The following ENOX1 variants were observed in gnomAD, a reference collection of about 807,000 sequenced individuals.
ENOX1 encodes ecto-NOX disulfide-thiol exchanger 1.
A neutral mutation model predicts 82.5 loss-of-function variants in ENOX1; 42 were observed. That is an observed-to-expected ratio of 0.51 (90% CI 0.40 to 0.66). The LOEUF (loss-of-function observed/expected upper bound fraction) is 0.66. Ranked by LOEUF, ENOX1 falls within the 30% of genes least tolerant of loss-of-function variation. The pLI is 0.00. For missense variants in ENOX1, 608 were observed against 811.6 expected (o/e 0.75, Z 3.05); for synonymous variants, 271 against 282.2 (o/e 0.96, Z 0.40).
intron 3 of ENOX1, among the ~76,000 whole-genome samples, chr13:43,447,173 T>C (rs2056694795): frequency 6.6e-6 from 1 of 152,210 alleles, no homozygotes; most frequent in Admixed American, 6.5e-5. Flanking sequence ...GTTGAGGATA[T>C]GACTGTCTAT....
intron 14 of ENOX1, among the ~76,000 whole-genome samples, chr13:43,242,062 GT>G: frequency 6.6e-6 from 1 of 152,188 alleles, no homozygotes; most frequent in East Asian, 1.9e-4. Context: ...TTGAATACAT[GT>G]TGTCCACCTG....
chr13:43,782,424 C>T (rs1003890360), intron 1 of ENOX1, among the ~76,000 whole-genome samples: 1 of 152,126 alleles, frequency 6.6e-6, no homozygotes, highest in Non-Finnish European at 1.5e-5. Context: ...GTGAAGTTCA[C>T]TTGAAATATG....
intron 9 of ENOX1, among the ~76,000 whole-genome samples, chr13:43,340,474 T>A (rs1474137185): frequency 6.6e-6 from 1 of 152,158 alleles, no homozygotes; most frequent in African/African-American, 2.4e-5. Flanking sequence ...CAGAATCAAA[T>A]TACAGGGCTA....
At chr13:43,454,841 ATTTT>A (rs3044064) in intron 3 of ENOX1, among the ~76,000 whole-genome samples, 2,359 of 143,050 alleles carry the variant, frequency 0.016, 46 homozygotes, top group African/African-American at 0.053. Flanking sequence ...TATTGAAACC[ATTTT>A]TTTTTTTTTT....
At chr13:43,398,503 AC>A (rs1160784910) in intron 5 of ENOX1, among the ~76,000 whole-genome samples, 2 of 152,134 alleles carry the variant, frequency 1.3e-5, no homozygotes, top group Non-Finnish European at 1.5e-5. Context: ...GAAACAGATG[AC>A]CTGCAGCAAA....
At chr13:43,297,866 C>T (rs765095341) in intron 12 of ENOX1, among the ~76,000 whole-genome samples, 21 of 152,188 alleles carry the variant, frequency 1.4e-4, no homozygotes, top group South Asian at 4.1e-4. Flanking sequence ...TTCTTAAACA[C>T]GTAATGTGCT....
intron 9 of ENOX1, among the ~76,000 whole-genome samples, chr13:43,326,928 C>G (rs1225010282): frequency 6.6e-6 from 1 of 152,200 alleles, no homozygotes; most frequent in Non-Finnish European, 1.5e-5. Flanking sequence ...GGAGAAGTGG[C>G]TGAACGAGGA....
chr13:43,584,409 C>T (rs769870719), intron 2 of ENOX1, among the ~76,000 whole-genome samples: 2 of 152,138 alleles, frequency 1.3e-5, no homozygotes, highest in African/African-American at 2.4e-5. Context: ...GTCATAATGT[C>T]GAGTTTCAAA....
intron 3 of ENOX1, among the ~76,000 whole-genome samples, chr13:43,422,195 T>C (rs1210792866): frequency 6.6e-6 from 1 of 152,196 alleles, no homozygotes; most frequent in African/African-American, 2.4e-5. Context: ...CTCTAAGCTT[T>C]AAGATTCCAC....
At chr13:43,337,060 A>T (rs1201753981) in intron 9 of ENOX1, among the ~76,000 whole-genome samples, 2 of 152,214 alleles carry the variant, frequency 1.3e-5, no homozygotes, top group Admixed American at 1.3e-4. Context: ...AAAATTCTCA[A>T]CTAAAGTATA....
chr13:43,303,012 G>A (rs992024223), intron 11 of ENOX1, among the ~76,000 whole-genome samples: 4 of 152,196 alleles, frequency 2.6e-5, no homozygotes, highest in African/African-American at 7.2e-5. Context: ...AGAACTCTTA[G>A]TCTTTGTGTG....
chr13:43,595,760 G>T (rs2153728536), intron 2 of ENOX1, among the ~76,000 whole-genome samples: 1 of 152,242 alleles, frequency 6.6e-6, no homozygotes, highest in South Asian at 2.1e-4. Flanking sequence ...CTTACTAAAA[G>T]AGCTAAAATA....
intron 3 of ENOX1, among the ~76,000 whole-genome samples, chr13:43,423,697 T>C (rs973270778): frequency 3.3e-5 from 5 of 152,180 alleles, no homozygotes; most frequent in South Asian, 2.1e-4. Flanking sequence ...TGCAGTGATA[T>C]GTGGTCTTGG....
intron 12 of ENOX1, among the ~76,000 whole-genome samples, chr13:43,283,298 T>C (rs1389067167): frequency 6.6e-6 from 1 of 152,118 alleles, no homozygotes; most frequent in African/African-American, 2.4e-5. Flanking sequence ...TTGTTCTCTT[T>C]TTTTCTTGAT....
intron 1 of ENOX1, among the ~76,000 whole-genome samples, chr13:43,681,487 G>A (rs2153797838): frequency 6.6e-6 from 1 of 152,190 alleles, no homozygotes; most frequent in East Asian, 1.9e-4. Context: ...CTCTTGGGAA[G>A]AAAATCTTGA....
intron 2 of ENOX1, among the ~76,000 whole-genome samples, chr13:43,502,621 T>C (rs954447497): frequency 6.6e-6 from 1 of 151,550 alleles, no homozygotes; most frequent in Non-Finnish European, 1.5e-5. Context: ...ATGATAATAT[T>C]AATAGATGCA....
intron 13 of ENOX1, 94 bp downstream of exon 13, chr13:43,269,376 C>T: frequency 1.0e-6 from 1 of 956,892 alleles, no homozygotes; most frequent in Non-Finnish European, 1.7e-6. Flanking sequence ...CTGCAGATTA[C>T]TTTCAGTAAA....
intron 9 of ENOX1, among the ~76,000 whole-genome samples, chr13:43,334,874 C>T (rs1177257423): frequency 6.6e-6 from 1 of 151,916 alleles, no homozygotes; most frequent in Non-Finnish European, 1.5e-5. Flanking sequence ...GGGAAACTTA[C>T]AGAAGTGGGG....
intron 2 of ENOX1, among the ~76,000 whole-genome samples, chr13:43,614,098 CT>C (rs1241992128): frequency 3.9e-5 from 6 of 152,154 alleles, no homozygotes; most frequent in African/African-American, 1.4e-4. Flanking sequence ...ATAAAAACTC[CT>C]ATCTCTGTTG....
Sources: allele counts gnomAD v4.1 joint callset (sites outside exome capture counted in the v4.1 genomes callset), GRCh38; gene constraint gnomAD v4.1.1; transcripts MANE v1.5; gene names NCBI Gene and HGNC (gene_info 2026-07-23, HGNC 2026-07-21).